Variants in ADAM23 observed in about 807,000 individuals in gnomAD.
The protein encoded by ADAM23 is disintegrin and metalloproteinase domain-containing protein 23.
In ADAM23, 33 loss-of-function variants were observed where a neutral mutation model predicts 120.1. That is an observed-to-expected ratio of 0.27 (90% CI 0.21 to 0.37). The LOEUF is 0.37. Ranked by LOEUF, ADAM23 falls within the 10% of genes least tolerant of loss-of-function variation. ADAM23 has a pLI of 1.00. For synonymous variants in ADAM23, 367 were observed against 375.2 expected, an observed-to-expected ratio of 0.98 and a Z score of 0.25; for missense variants, 862 against 1,058.2, an observed-to-expected ratio of 0.81 and a Z score of 2.57.
intron 10 of ADAM23, among the ~76,000 whole-genome samples, 162 bp downstream of exon 10, chr2:206,557,660 C>G (rs781598389): frequency 4.6e-5 from 7 of 152,182 alleles, no homozygotes; most frequent in African/African-American, 1.2e-4. Flanking sequence ...GAGTAGTGCT[C>G]TGAGAGTTTC....
At chr2:206,617,209 A>G (rs1462512792) in intron 25 of ADAM23, among the ~76,000 whole-genome samples, 1 of 152,096 alleles carries the variant, frequency 6.6e-6, no homozygotes, top group Non-Finnish European at 1.5e-5. Flanking sequence ...AGTTCTCCCA[A>G]TAGGCTCCTT....
chr2:206,550,374 A>G (rs1697488801), intron 9 of ADAM23, among the ~76,000 whole-genome samples: 1 of 152,132 alleles, frequency 6.6e-6, no homozygotes. Context: ...TATAATTAAT[A>G]GATTTAGCTA....
intron 24 of ADAM23, among the ~76,000 whole-genome samples, chr2:206,608,662 G>C (rs536005237): frequency 1.1e-4 from 17 of 152,064 alleles, no homozygotes; most frequent in African/African-American, 4.1e-4. Context: ...ACAAGCCCAG[G>C]AGCCTAAAGA....
chr2:206,530,848 T>C (rs1261324264), intron 3 of ADAM23, 37 bp from the exon 4 acceptor site: 2 of 1,587,556 alleles, frequency 1.3e-6, no homozygotes, highest in Non-Finnish European at 8.6e-7. Flanking sequence ...CCAAGTGTCT[T>C]AGATGCAGAA....
At chr2:206,614,263 A>C (rs1332790104) in intron 25 of ADAM23, among the ~76,000 whole-genome samples, 2 of 152,234 alleles carry the variant, frequency 1.3e-5, no homozygotes, top group Non-Finnish European at 2.9e-5. Flanking sequence ...GATTTAAGAG[A>C]TTCTGTCTGG....
At chr2:206,494,846 C>T (rs1444000574) in intron 3 of ADAM23, among the ~76,000 whole-genome samples, 6 of 151,856 alleles carry the variant, frequency 4.0e-5, no homozygotes, top group East Asian at 3.9e-4. Flanking sequence ...AACTATGTGA[C>T]GAATGCACAA....
rs1216333271 is a variant in ADAM23 at position 206,618,440 on chromosome 2, A to G, written c.*813A>G. 3.3e-5 allele frequency: 5 copies of G among 152,218 alleles called. No individual in the cohort carries two copies. The highest frequency in any genetic ancestry group is 1.2e-4 in the African/African-American group (5 of 41,456). The allele number at this position is 152,218 out of a possible 1,614,324, so 9.4% of individuals were successfully genotyped here. On this transcript the variant is annotated 3_prime_UTR_variant, in exon 26 of 26. Transcript: ENST00000264377. Reference sequence around the variant, plus strand: ...GTATAGTTCTTTTATAAATGTAAATATGGAAATAAGAGATTTTGACACATC... The same window carrying G: ...GTATAGTTCTTTTATAAATGTAAATGTGGAAATAAGAGATTTTGACACATC...
chr2:206,543,383 AAG>A (rs1697332311), intron 6 of ADAM23, 67 bp downstream of exon 6: 4 of 1,306,762 alleles, frequency 3.1e-6, no homozygotes, highest in Non-Finnish European at 4.4e-6. Context: ...TTGAGAAGAA[AAG>A]AGAAAAGAGT....
intron 9 of ADAM23, among the ~76,000 whole-genome samples, chr2:206,551,323 G>A (rs994641506): frequency 2.0e-5 from 3 of 152,072 alleles, no homozygotes; most frequent in Admixed American, 1.3e-4. Context: ...GATGGGAGCT[G>A]GCTCCAGCAA....
intron 8 of ADAM23, among the ~76,000 whole-genome samples, chr2:206,548,855 A>G (rs1285002722): frequency 6.6e-6 from 1 of 152,170 alleles, no homozygotes; most frequent in Non-Finnish European, 1.5e-5. Flanking sequence ...AACACAATGA[A>G]TTTATTTGAC....
At chr2:206,538,175 AT>A (rs751315490) in intron 4 of ADAM23, among the ~76,000 whole-genome samples, 11 of 152,112 alleles carry the variant, frequency 7.2e-5, no homozygotes, top group African/African-American at 2.7e-4. Flanking sequence ...CTGCAAGAAC[AT>A]TTTCCCCATT....
At chr2:206,581,941 G>A (rs1433170195) in intron 18 of ADAM23, among the ~76,000 whole-genome samples, 3 of 151,862 alleles carry the variant, frequency 2.0e-5, no homozygotes, top group African/African-American at 7.3e-5. Flanking sequence ...GCAGTGGTGC[G>A]ATCTCGGCTC....
At chr2:206,591,271 G>A (rs1698420743) in intron 21 of ADAM23, among the ~76,000 whole-genome samples, 1 of 152,072 alleles carries the variant, frequency 6.6e-6, no homozygotes, top group Admixed American at 6.5e-5. Flanking sequence ...ACTCCTACAT[G>A]GGTCAAGAAA....
chr2:206,489,614 T>G (rs1696087294), intron 3 of ADAM23, among the ~76,000 whole-genome samples: 1 of 152,212 alleles, frequency 6.6e-6, no homozygotes, highest in African/African-American at 2.4e-5. Context: ...TGTGTACCCA[T>G]AGTCTCCTAT....
At chr2:206,520,345 A>G (rs1404941172) in intron 3 of ADAM23, among the ~76,000 whole-genome samples, 1 of 152,218 alleles carries the variant, frequency 6.6e-6, no homozygotes, top group Non-Finnish European at 1.5e-5. Flanking sequence ...AGACAATAGT[A>G]GTAGTTCTAC....
chr2:206,502,476 T>C (rs1398240237), intron 3 of ADAM23, among the ~76,000 whole-genome samples: 8 of 152,142 alleles, frequency 5.3e-5, no homozygotes, highest in Admixed American at 5.2e-4. Context: ...TCCATCGACT[T>C]TGAAGAACTG....
chr2:206,445,322 A>G lies in ADAM23; in HGVS notation c.230A>G (p.Glu77Gly). ...AAAPSAPHWNETAEKNLGVLA... is the reference protein window; with the variant it reads ...AAAPSAPHWNGTAEKNLGVLA... The stretch of plus-strand genomic sequence containing the variant: ...CCTCCACCAGCTCCGCATTGGAATG[A>G]AACTGCAGAAAAAAATTTGGGAGTC... The change falls in exon 2 of 26, where the codon GAA (glutamate) becomes GGA (glycine). Residue 77 changes from glutamate (E) to glycine (G), a missense_variant. By Grantham distance (98) the Glu-to-Gly change is moderately conservative (BLOSUM62 -2). Around this residue, in one of 4 missense-constraint regions of ADAM23, gnomAD observed 225 missense variants for 204.0 expected, o/e 1.10. Coordinates refer to ENST00000264377, the MANE Select transcript of ADAM23 (RefSeq NM_003812.4). 2 of 1,613,990 alleles carry G rather than the reference A, an allele frequency of 1.2e-6. No homozygotes were observed. The highest frequency in any genetic ancestry group is 1.7e-6 in the Non-Finnish European group (2 of 1,179,932).
At chr2:206,566,770 T>A (rs889059774) in intron 14 of ADAM23, among the ~76,000 whole-genome samples, 1 of 152,148 alleles carries the variant, frequency 6.6e-6, no homozygotes, top group African/African-American at 2.4e-5. Flanking sequence ...GATATAGTCT[T>A]TAATATACTG....
Position 206,443,840 on chromosome 2 carries a change from C to T in ADAM23, c.-27C>T. ...TAGCCCGGCGCTCTCGCCGGCCACA[C>T]GGAGCGGCGCCCGGGAGCTATGAGC... is the stretch of plus-strand genomic sequence containing the variant. On this transcript the variant is annotated 5_prime_UTR_variant, in exon 1 of 26. It adds an upstream start codon to the 5' untranslated region. Transcript: ENST00000264377. 4 of 1,089,748 alleles carry T rather than the reference C, an allele frequency of 3.7e-6. No individual in the cohort carries two copies. Among genetic ancestry groups the T allele is most frequent in the Non-Finnish European group, 4.5e-6 (4 of 898,470 alleles). The allele number at this position is 1,089,748 out of a possible 1,614,324, so 67.5% of individuals were successfully genotyped here. A position where few individuals can be genotyped will look rare whatever the true frequency, so the allele number is the denominator to read the frequency against.
Sources: allele counts gnomAD v4.1 joint callset (sites outside exome capture counted in the v4.1 genomes callset), GRCh38; gene constraint gnomAD v4.1.1; regional missense constraint gnomAD v4.1.1; transcripts MANE v1.5; gene names NCBI Gene and HGNC (gene_info 2026-07-23, HGNC 2026-07-21).